LRRC4C: variants seen among roughly 807,000 people sequenced by gnomAD.
LRRC4C encodes leucine rich repeat containing 4C, also known as leucine-rich repeat-containing protein 4C.
A neutral mutation model predicts 33.6 loss-of-function variants in LRRC4C; 5 were observed. The ratio of observed to expected loss-of-function variants is 0.15; its 90% CI spans 0.08 to 0.31. The LOEUF (loss-of-function observed/expected upper bound fraction) is 0.31, where lower values mean the gene tolerates loss of function less well. LRRC4C is among the 10% of genes least tolerant of loss of function. LRRC4C has a pLI of 1.00. For synonymous variants in LRRC4C, 329 were observed against 302.0 expected (o/e 1.09, Z -0.93); for missense variants, 560 against 796.7 (o/e 0.70, Z 3.58).
In LRRC4C at chr11:40,864,507, T is replaced by G. The variant is rs528676584; in HGVS notation, c.-407+69128A>C. 2.0e-5 allele frequency among the ~76,000 whole-genome samples: 3 copies of G among 152,306 alleles called. No homozygotes were observed. In the South Asian group the frequency reaches 6.2e-4, roughly 32 times the overall value. On this transcript the variant is annotated intron_variant, in intron 2 of 6. Coordinates refer to ENST00000528697, the MANE Select transcript of LRRC4C (RefSeq NM_001258419.2). The stretch of plus-strand genomic sequence containing the variant: ...AGTTGAGACAGAGAACATAAGGCAC[T>G]TGACACGTAAAATATGTATTATCTG...
intron 1 of LRRC4C, among the ~76,000 whole-genome samples, chr11:41,122,020 A>G (rs943268547): frequency 6.6e-6 from 1 of 152,162 alleles, no homozygotes; most frequent in South Asian, 2.1e-4. Flanking sequence ...AAAATGTAGA[A>G]TAACGTCAAA....
At chr11:40,426,546 G>C (rs915334710) in intron 3 of LRRC4C, among the ~76,000 whole-genome samples, 1 of 152,060 alleles carries the variant, frequency 6.6e-6, no homozygotes, top group Non-Finnish European at 1.5e-5. Context: ...AGTTCACTTA[G>C]CTCTGCAGCT....
chr11:40,630,330 C>CTCTTCTTCTTCTTCTTCTTCTTCT (rs200043868), intron 3 of LRRC4C, among the ~76,000 whole-genome samples: 84 of 135,564 alleles, frequency 6.2e-4, no homozygotes, highest in African/African-American at 2.2e-3. Context: ...TTTCTTCTTC[C>CTCTTCTTCTTCTTCTTCTTCTTCT]TCTTCTTCTT....
intron 3 of LRRC4C, among the ~76,000 whole-genome samples, chr11:40,576,302 G>A (rs1175959785): frequency 1.3e-5 from 2 of 152,150 alleles, no homozygotes; most frequent in Non-Finnish European, 2.9e-5. Flanking sequence ...GCTGACAGAT[G>A]GATCTAATAT....
At chr11:40,264,395 C>T (rs1052398227) in intron 4 of LRRC4C, among the ~76,000 whole-genome samples, 2 of 152,118 alleles carry the variant, frequency 1.3e-5, no homozygotes, top group Non-Finnish European at 1.5e-5. Context: ...AAATATATTA[C>T]GTTTGAAGTT....
At chr11:41,322,365 G>A (rs2137282375) in intron 1 of LRRC4C, among the ~76,000 whole-genome samples, 2 of 151,952 alleles carry the variant, frequency 1.3e-5, no homozygotes, top group Admixed American at 1.3e-4. Context: ...CTGCAAAATT[G>A]TAATGTTCTA....
chr11:40,132,658 G>A (rs917455580), intron 6 of LRRC4C, among the ~76,000 whole-genome samples: 5 of 151,950 alleles, frequency 3.3e-5, no homozygotes, highest in African/African-American at 1.2e-4. Flanking sequence ...CTGTACTTAT[G>A]AATATTAGTG....
At chr11:40,713,823 C>T (rs1591532760) in intron 2 of LRRC4C, among the ~76,000 whole-genome samples, 2 of 152,274 alleles carry the variant, frequency 1.3e-5, no homozygotes, top group South Asian at 2.1e-4. Flanking sequence ...AACAAAGAGA[C>T]TGTAGAAGAC....
intron 1 of LRRC4C, among the ~76,000 whole-genome samples, chr11:41,109,825 A>G (rs1022906774): frequency 5.9e-5 from 9 of 152,060 alleles, no homozygotes; most frequent in Admixed American, 5.3e-4. Context: ...CCCTTTGATT[A>G]ATCTCTTTAA....
chr11:40,604,913 C>T (rs1196675676), intron 3 of LRRC4C, among the ~76,000 whole-genome samples: 1 of 152,078 alleles, frequency 6.6e-6, no homozygotes, highest in Non-Finnish European at 1.5e-5. Flanking sequence ...CACAAAGTCC[C>T]TTTTCCTTAA....
chr11:40,486,441 G>A (rs1344046857), intron 3 of LRRC4C, among the ~76,000 whole-genome samples: 1 of 151,842 alleles, frequency 6.6e-6, no homozygotes, highest in African/African-American at 2.4e-5. Flanking sequence ...AATTATTGTA[G>A]GTTAAAAAAT....
At position 41,109,339 on chromosome 11, in the gene LRRC4C, C is replaced by T. The variant is rs1941695185; in HGVS notation, c.-495-175616G>A. Among the ~76,000 whole-genome samples the T allele has an allele frequency of 2.6e-5, 4 of 152,016 alleles. 1 individual carries two copies. The South Asian group carries it at 6.2e-4, about 24-fold the overall frequency. On this transcript the variant is annotated intron_variant, in intron 1 of 6. Coordinates refer to ENST00000528697, the MANE Select transcript of LRRC4C (RefSeq NM_001258419.2). ...TCACTGTTTGTCTTTTAAAGCAACCCTATAAAATCACAAATCAAGCAGTTG... is the reference window on the plus strand; with the variant it reads ...TCACTGTTTGTCTTTTAAAGCAACCTTATAAAATCACAAATCAAGCAGTTG...
chr11:40,744,630 A>G (rs1264177669), intron 2 of LRRC4C, among the ~76,000 whole-genome samples: 6 of 152,138 alleles, frequency 3.9e-5, no homozygotes, highest in African/African-American at 1.4e-4. Context: ...GTGACCCTCA[A>G]AAATGTTTCT....
intron 1 of LRRC4C, among the ~76,000 whole-genome samples, chr11:41,281,042 T>TTC (rs71063910): frequency 0.31 from 24,008 of 76,238 alleles, 4,175 homozygotes; most frequent in Non-Finnish European, 0.37. Context: ...AATACATATT[T>TTC]TCTCTCTCTC....
intron 2 of LRRC4C, among the ~76,000 whole-genome samples, chr11:40,773,650 A>G (rs1367960293): frequency 6.6e-6 from 1 of 152,068 alleles, no homozygotes; most frequent in Non-Finnish European, 1.5e-5. Context: ...GAACATCCCA[A>G]TGAAGACAAT....
chr11:41,088,074 T>C (rs1940136262), intron 1 of LRRC4C, among the ~76,000 whole-genome samples: 1 of 152,114 alleles, frequency 6.6e-6, no homozygotes, highest in Non-Finnish European at 1.5e-5. Context: ...TGCAAAATCA[T>C]TGGACAGGCA....
At chr11:40,738,134 C>G (rs1225968605) in intron 2 of LRRC4C, among the ~76,000 whole-genome samples, 2 of 152,082 alleles carry the variant, frequency 1.3e-5, no homozygotes, top group Non-Finnish European at 2.9e-5. Context: ...GATTCCCTAT[C>G]TAATAAATAG....
intron 1 of LRRC4C, among the ~76,000 whole-genome samples, chr11:41,242,969 T>C (rs1948311987): frequency 6.6e-6 from 1 of 152,176 alleles, no homozygotes; most frequent in African/African-American, 2.4e-5. Context: ...AGTTCAATGA[T>C]TAGGCTTGTA....
At chr11:40,352,122 C>T (rs200586068) in intron 3 of LRRC4C, among the ~76,000 whole-genome samples, 32 of 18,996 alleles carry the variant, frequency 1.7e-3, no homozygotes, top group East Asian at 0.013. Flanking sequence ...TTCCTTCCTT[C>T]CTTCCTTCCT....
Sources: gnomAD v4.1 joint callset for allele counts (sites outside exome capture counted in the v4.1 genomes callset) on GRCh38, gnomAD v4.1.1 for gene constraint, MANE v1.5 for transcripts, NCBI Gene and HGNC (gene_info 2026-07-23, HGNC 2026-07-21) for gene names.